The following ZFHX3 variants were observed in gnomAD, a reference collection of about 807,000 sequenced individuals.
ZFHX3 encodes the protein zinc finger homeobox 3, also known as zinc finger homeobox protein 3.
Under a neutral mutation model 279.1 loss-of-function variants are expected in ZFHX3, and 42 were observed. The ratio of observed to expected loss-of-function variants is 0.15; its 90% confidence interval spans 0.12 to 0.19. The LOEUF (loss-of-function observed/expected upper bound fraction) is 0.19, where lower values mean the gene tolerates loss of function less well. ZFHX3 is among the 10% of genes least tolerant of loss of function. The pLI, the probability that ZFHX3 is intolerant of heterozygous loss-of-function variation, is 1.00. For synonymous variants in ZFHX3, 2,293 were observed against 1,957.8 expected, an observed-to-expected ratio of 1.17 and a Z score of -4.52; for missense variants, 4,981 against 4,754.0, an observed-to-expected ratio of 1.05 and a Z score of -1.40.
intron 1 of ZFHX3, among the ~76,000 whole-genome samples, chr16:73,725,300 A>T (rs1263345586): frequency 6.6e-6 from 1 of 152,188 alleles, no homozygotes; most frequent in Non-Finnish European, 1.5e-5. Context: ...ATGCTTTGCC[A>T]AGTCCTGGCC....
intron 3 of ZFHX3, among the ~76,000 whole-genome samples, chr16:73,380,768 G>T (rs1567466455): frequency 6.6e-6 from 1 of 152,200 alleles, no homozygotes; most frequent in Non-Finnish European, 1.5e-5. Context: ...TGTTTGGGAG[G>T]CCAAGGTGGG....
At chr16:72,832,331 T>C (rs1160638659) in intron 4 of ZFHX3, among the ~76,000 whole-genome samples, 1 of 152,130 alleles carries the variant, frequency 6.6e-6, no homozygotes, top group Admixed American at 6.5e-5. Flanking sequence ...AAACTGCATG[T>C]TGCTTTGTGA....
intron 3 of ZFHX3, among the ~76,000 whole-genome samples, chr16:72,912,876 C>T (rs947090752): frequency 6.6e-6 from 1 of 152,068 alleles, no homozygotes; most frequent in Admixed American, 6.5e-5. Context: ...AAGCACACAC[C>T]ACCACACCTG....
intron 3 of ZFHX3, among the ~76,000 whole-genome samples, chr16:73,331,378 T>A (rs1265401037): frequency 6.6e-6 from 1 of 152,176 alleles, no homozygotes; most frequent in Non-Finnish European, 1.5e-5. Context: ...AGAAAGGGCA[T>A]CCTGAGAGTA....
intron 1 of ZFHX3, among the ~76,000 whole-genome samples, chr16:73,853,138 G>A (rs1283505284): frequency 6.6e-6 from 1 of 152,184 alleles, no homozygotes; most frequent in Non-Finnish European, 1.5e-5. Context: ...ATTATCTCAT[G>A]CCAGTTAAAA....
At chr16:73,874,934 T>C (rs2029900337) in intron 1 of ZFHX3, among the ~76,000 whole-genome samples, 1 of 152,218 alleles carries the variant, frequency 6.6e-6, no homozygotes, top group African/African-American at 2.4e-5. Context: ...CACAAATGGG[T>C]ATTTTATATA....
At chr16:73,300,481 G>A (rs1209199090) in intron 4 of ZFHX3, among the ~76,000 whole-genome samples, 1 of 151,966 alleles carries the variant, frequency 6.6e-6, no homozygotes, top group Non-Finnish European at 1.5e-5. Flanking sequence ...GGGATGTTGG[G>A]AGTCTAACAG....
In ZFHX3 at chr16:72,866,598, T is replaced by C. The variant is rs145932284; in HGVS notation, c.3448+23133A>G. Among the ~76,000 whole-genome samples the C allele has an allele frequency of 4.1e-4, 62 of 152,298 alleles. No homozygotes were observed. In the East Asian group the frequency reaches 0.012, roughly 29 times the overall value. On this transcript the variant is annotated intron_variant, in intron 4 of 9. Transcript: ENST00000268489. Reference sequence around the variant, plus strand: ...CTCCTATGTGACTTATAAAAGCTTCTGCAACCAGATCTGATCTGAAAGCCC... The same window carrying C: ...CTCCTATGTGACTTATAAAAGCTTCCGCAACCAGATCTGATCTGAAAGCCC...
At chr16:72,898,814 G>A (rs563849923) in intron 3 of ZFHX3, among the ~76,000 whole-genome samples, 2 of 151,626 alleles carry the variant, frequency 1.3e-5, no homozygotes, top group East Asian at 3.9e-4. Context: ...GCATATGATG[G>A]TGAATGAACA....
intron 1 of ZFHX3, chr16:73,015,030 A>G (rs566960362): frequency 1.4e-5 from 2 of 147,388 alleles, no homozygotes; most frequent in Admixed American, 1.4e-4. Context: ...GCTGTAATCA[A>G]GAGCTGTGTC....
intron 2 of ZFHX3, among the ~76,000 whole-genome samples, chr16:73,546,380 G>A (rs752803554): frequency 1.8e-4 from 28 of 152,192 alleles, no homozygotes; most frequent in Non-Finnish European, 3.7e-4. Flanking sequence ...CCATTACTGA[G>A]CCCCGGGCAG....
intron 2 of ZFHX3, among the ~76,000 whole-genome samples, chr16:73,510,967 A>G (rs945814640): frequency 6.6e-6 from 1 of 152,248 alleles, no homozygotes; most frequent in African/African-American, 2.4e-5. Flanking sequence ...GGCTTTGACC[A>G]GATTTTTGCA....
At chr16:73,209,180 T>TA (rs1403964084) in intron 5 of ZFHX3, among the ~76,000 whole-genome samples, 1 of 152,218 alleles carries the variant, frequency 6.6e-6, no homozygotes, top group Admixed American at 6.5e-5. Context: ...AGAAATATTT[T>TA]AAAAATTCAT....
intron 4 of ZFHX3, among the ~76,000 whole-genome samples, chr16:72,839,983 G>A (rs1427164033): frequency 2.0e-5 from 3 of 152,108 alleles, no homozygotes; most frequent in Non-Finnish European, 4.4e-5. Flanking sequence ...ATGCTGGGAG[G>A]GGAGAAGACA....
intron 2 of ZFHX3, among the ~76,000 whole-genome samples, chr16:73,643,933 T>G (rs996723888): frequency 6.6e-6 from 1 of 152,204 alleles, no homozygotes; most frequent in Non-Finnish European, 1.5e-5. Context: ...CTTCTAAGTC[T>G]TCTACTCAAA....
intron 1 of ZFHX3, among the ~76,000 whole-genome samples, chr16:73,883,532 C>T (rs2030246043): frequency 1.3e-5 from 2 of 151,956 alleles, no homozygotes; most frequent in African/African-American, 4.8e-5. Flanking sequence ...ATGACATGTG[C>T]ACACATTCTC....
At chr16:73,206,733 G>A (rs1196305747) in intron 5 of ZFHX3, among the ~76,000 whole-genome samples, 1 of 151,996 alleles carries the variant, frequency 6.6e-6, no homozygotes, top group East Asian at 1.9e-4. Flanking sequence ...ATATCTATTT[G>A]TAGGCCGGGC....
intron 2 of ZFHX3, among the ~76,000 whole-genome samples, chr16:73,512,661 G>C (rs1217844445): frequency 6.6e-6 from 1 of 152,186 alleles, no homozygotes. Flanking sequence ...AAGATACCTG[G>C]AGCCAGTCTT....
chr16:73,158,303 A>G (rs1472614043), intron 5 of ZFHX3, among the ~76,000 whole-genome samples: 2 of 152,188 alleles, frequency 1.3e-5, no homozygotes, highest in Non-Finnish European at 1.5e-5. Flanking sequence ...TTTCAAGACA[A>G]GTAATGACAA....
Sources: allele counts gnomAD v4.1 joint callset (sites outside exome capture counted in the v4.1 genomes callset), GRCh38; gene constraint gnomAD v4.1.1; transcripts MANE v1.5; gene names NCBI Gene and HGNC (gene_info 2026-07-23, HGNC 2026-07-21).